The following BTRC variants were observed in gnomAD, a reference collection of about 807,000 sequenced individuals.
BTRC encodes F-box/WD repeat-containing protein 1A.
In BTRC, 42 loss-of-function variants were observed where a neutral mutation model predicts 85.5. That is an observed-to-expected ratio of 0.49 (90% confidence interval 0.38 to 0.64). The LOEUF (loss-of-function observed/expected upper bound fraction) is 0.64, where lower values mean the gene tolerates loss of function less well. Among genes scored for constraint, BTRC ranks in the 30% least tolerant of loss-of-function variants. The pLI is 0.00. For missense variants in BTRC, 594 were observed against 743.5 expected (o/e 0.80, Z 2.34); for synonymous variants, 255 against 263.3 (o/e 0.97, Z 0.30).
intron 1 of BTRC, among the ~76,000 whole-genome samples, chr10:101,410,996 C>CT (rs11356520): frequency 0.037 from 4,560 of 122,430 alleles, 152 homozygotes; most frequent in Non-Finnish European, 0.055. Context: ...ATTTCTGGCA[C>CT]TTTTTTTTTT....
At chr10:101,521,483 A>G (rs778932961) in intron 4 of BTRC, among the ~76,000 whole-genome samples, 156 bp from the exon 5 acceptor site, 5 of 152,204 alleles carry the variant, frequency 3.3e-5, no homozygotes, top group Non-Finnish European at 4.4e-5. Flanking sequence ...CCAACTTTCT[A>G]TGGTATTTCT....
intron 3 of BTRC, among the ~76,000 whole-genome samples, 192 bp downstream of exon 3, chr10:101,462,250 T>C (rs1382158041): frequency 6.6e-6 from 1 of 152,200 alleles, no homozygotes; most frequent in Non-Finnish European, 1.5e-5. Flanking sequence ...ATTCTAGGTA[T>C]ACATGTACAG....
intron 2 of BTRC, among the ~76,000 whole-genome samples, chr10:101,444,130 CA>C (rs776732107): frequency 2.4e-4 from 37 of 152,032 alleles, no homozygotes; most frequent in Middle Eastern, 3.4e-3. Flanking sequence ...CTCATCTCAG[CA>C]AAAAAGTGAT....
intron 2 of BTRC, among the ~76,000 whole-genome samples, chr10:101,450,106 T>G (rs916775194): frequency 1.3e-5 from 2 of 151,866 alleles, no homozygotes; most frequent in South Asian, 4.2e-4. Context: ...TTAAATGGAC[T>G]ATTACTTCTG....
At chr10:101,493,318 G>C (rs1417987743) in intron 4 of BTRC, among the ~76,000 whole-genome samples, 1 of 152,200 alleles carries the variant, frequency 6.6e-6, no homozygotes. Context: ...GGTATTTATT[G>C]AATGTTTATG....
chr10:101,378,433 T>TA lies in BTRC; in HGVS notation c.48+24206dup, dbSNP rs528351307. ...TTTTAATGACTGTGAGTTTTACAGT[T>TA]ATTTAATCTTTGTTTTGGTGGTGTT... On this transcript the variant is annotated intron_variant, in intron 1 of 14. Transcript: ENST00000370187. Among the ~76,000 whole-genome samples the TA allele has an allele frequency of 1.2e-3, 178 of 152,280 alleles. 2 individuals carry two copies. Among genetic ancestry groups the TA allele is most frequent in the Non-Finnish European group, 2.0e-3 (136 of 68,026 alleles).
intron 1 of BTRC, among the ~76,000 whole-genome samples, chr10:101,369,856 A>G (rs1225378670): frequency 2.0e-5 from 3 of 152,156 alleles, no homozygotes; most frequent in African/African-American, 7.2e-5. Context: ...CATTATCCTC[A>G]AAATATTTTC....
chr10:101,394,861 T>C (rs1387976284), intron 1 of BTRC, among the ~76,000 whole-genome samples: 1 of 152,188 alleles, frequency 6.6e-6, no homozygotes, highest in Non-Finnish European at 1.5e-5. Flanking sequence ...ATACATGTAA[T>C]GCATGTCTGC....
chr10:101,491,589 C>G (rs957055945), intron 4 of BTRC, among the ~76,000 whole-genome samples: 1 of 151,696 alleles, frequency 6.6e-6, no homozygotes, highest in African/African-American at 2.4e-5. Context: ...CCCAGCTGCT[C>G]AGGAGGCTGA....
chr10:101,467,505 C>T (rs1479917973), intron 3 of BTRC, among the ~76,000 whole-genome samples: 2 of 152,178 alleles, frequency 1.3e-5, no homozygotes, highest in Admixed American at 6.5e-5. Flanking sequence ...CAATAGTAAG[C>T]ACTTTGGCTT....
chr10:101,354,171 C>T lies in BTRC; in HGVS notation c.-10C>T, dbSNP rs1234802701. ...CCCGGCGGAGAGCGGACCCAGTGGC[C>T]TCGGCGATTATGGACCCGGCCGAGG... On this transcript the variant is annotated 5_prime_UTR_variant, in exon 1 of 15. Coordinates refer to ENST00000370187, the MANE Select transcript of BTRC (RefSeq NM_033637.4). 3 of 1,548,878 alleles carry T rather than the reference C, an allele frequency of 1.9e-6. No individual in the cohort carries two copies. Among genetic ancestry groups the T allele is most frequent in the Middle Eastern group, 2.3e-4 (1 of 4,368 alleles).
intron 9 of BTRC, among the ~76,000 whole-genome samples, chr10:101,533,461 G>A (rs896305817): frequency 1.3e-5 from 2 of 152,248 alleles, no homozygotes; most frequent in East Asian, 3.9e-4. Flanking sequence ...AACATGTACA[G>A]GTGAGCTGTG....
intron 1 of BTRC, among the ~76,000 whole-genome samples, chr10:101,388,575 G>A (rs1943145496): frequency 6.6e-6 from 1 of 151,870 alleles, no homozygotes; most frequent in East Asian, 1.9e-4. Flanking sequence ...CTGCTGCCTC[G>A]ACCTCCTGGG....
At chr10:101,487,400 C>G (rs572057697) in intron 4 of BTRC, among the ~76,000 whole-genome samples, 1 of 152,172 alleles carries the variant, frequency 6.6e-6, no homozygotes, top group Admixed American at 6.5e-5. Flanking sequence ...CAGACTTAAA[C>G]ATTTCCTTTT....
intron 1 of BTRC, among the ~76,000 whole-genome samples, chr10:101,404,547 G>A (rs765879073): frequency 2.0e-5 from 3 of 152,128 alleles, no homozygotes; most frequent in Non-Finnish European, 2.9e-5. Context: ...AACCCAGTTG[G>A]CTTCAGTCTA....
intron 4 of BTRC, among the ~76,000 whole-genome samples, chr10:101,503,324 C>G (rs544047112): frequency 1.3e-5 from 2 of 152,254 alleles, no homozygotes; most frequent in African/African-American, 4.8e-5. Flanking sequence ...TAGTCATTGA[C>G]TTGGAGCTTC....
chr10:101,499,522 T>G (rs145189432), intron 4 of BTRC, among the ~76,000 whole-genome samples: 303 of 152,126 alleles, frequency 2.0e-3, no homozygotes, highest in African/African-American at 7.1e-3. Flanking sequence ...GCCACCATGC[T>G]TGGCCACTAT....
chr10:101,522,406 CTCCTTTT>C (rs2062128298), intron 5 of BTRC, among the ~76,000 whole-genome samples: 1 of 37,428 alleles, frequency 2.7e-5, no homozygotes, highest in Non-Finnish European at 6.3e-5. Flanking sequence ...GAAATAAAGA[CTCCTTTT>C]TTTTTTTTTT....
chr10:101,371,377 A>G (rs182112290), intron 1 of BTRC, among the ~76,000 whole-genome samples: 9 of 152,268 alleles, frequency 5.9e-5, no homozygotes, highest in Admixed American at 5.9e-4. Context: ...GAAGTTCACC[A>G]TGTTGGCCAG....
Sources: allele counts gnomAD v4.1 joint callset (sites outside exome capture counted in the v4.1 genomes callset), GRCh38; gene constraint gnomAD v4.1.1; transcripts MANE v1.5; gene names NCBI Gene and HGNC (gene_info 2026-07-23, HGNC 2026-07-21).